MOSMO: variants seen among roughly 807,000 people sequenced by gnomAD.
The protein encoded by MOSMO is modulator of smoothened.
A neutral mutation model predicts 18.4 loss-of-function variants in MOSMO; 5 were observed. The observed-to-expected ratio is 0.27, with a 90% CI of 0.14 to 0.57. The LOEUF (loss-of-function observed/expected upper bound fraction) is 0.57. Ranked by LOEUF, MOSMO falls within the 20% of genes least tolerant of loss-of-function variation. MOSMO has a pLI of 0.92. For synonymous variants in MOSMO, 82 were observed against 82.3 expected, an observed-to-expected ratio of 1.00 and a Z score of 0.02; for missense variants, 138 against 211.8, an observed-to-expected ratio of 0.65 and a Z score of 2.16.
rs550013280 is a variant in MOSMO at position 22,028,048 on chromosome 16, G to A, written c.106+19641G>A. ...TTATTGGTGTCAGTTCTCTTCCTAG[G>A]TTGTACCATCCATTTTGAAAAGATG... On this transcript the variant is annotated intron_variant, in intron 1 of 2. Transcript: ENST00000542527. Among the ~76,000 whole-genome samples, 13 of 152,166 alleles carry A rather than the reference G, an allele frequency of 8.5e-5. No individual in the cohort carries two copies. The East Asian group carries it at 2.5e-3, about 29-fold the overall frequency.
In MOSMO at chr16:22,055,845, C is replaced by G. The variant is rs1412154522; in HGVS notation, c.107-19642C>G. On this transcript the variant is annotated intron_variant, in intron 1 of 2. Coordinates refer to ENST00000542527, the MANE Select transcript of MOSMO (RefSeq NM_001164579.2). ...GTGTTGCTCACATAGCAAGCTGATA[C>G]TTGTAGTCATATCAACCTTTAGCCA... Among the ~76,000 whole-genome samples, 3 of 152,288 alleles carry G rather than the reference C, an allele frequency of 2.0e-5. No individual in the cohort carries two copies. The East Asian group carries it at 5.8e-4, about 29-fold the overall frequency.
rs1281786861 is a variant in MOSMO at position 22,082,667 on chromosome 16, ACTATGAAATGG to A, written c.*1788_*1798del. 1 of 152,186 alleles carries A rather than the reference ACTATGAAATGG, an allele frequency of 6.6e-6. No homozygotes were observed. Among genetic ancestry groups the A allele is most frequent in the Non-Finnish European group, 1.5e-5 (1 of 68,032 alleles). 9.4% of individuals were successfully genotyped at this position (152,186 alleles called of 1,614,324 possible). ...GGGAGCTACCTCCTCAGATATTCAC[ACTATGAAATGG>A]AGGTGCTTGATGTGTTTCACACTGG... On this transcript the variant is annotated 3_prime_UTR_variant, in exon 3 of 3. Coordinates refer to ENST00000542527, the MANE Select transcript of MOSMO (RefSeq NM_001164579.2).
Position 22,023,908 on chromosome 16 carries a change from T to G in MOSMO, c.106+15501T>G, listed in dbSNP as rs1899816395. 5.9e-5 allele frequency among the ~76,000 whole-genome samples: 9 copies of G among 151,718 alleles called. 1 individual carries two copies. Among genetic ancestry groups the G allele is most frequent in the Admixed American group, 5.2e-4 (8 of 15,248 alleles). On this transcript the variant is annotated intron_variant, in intron 1 of 2. Transcript: ENST00000542527. The stretch of plus-strand genomic sequence containing the variant: ...TCCTTTTCTGTGAACCTGTTTTCTC[T>G]TGTATAGATTCAAGAAATTCTTCAG...
At chr16:22,058,726 C>T (rs977192662) in intron 1 of MOSMO, among the ~76,000 whole-genome samples, 17 of 152,060 alleles carry the variant, frequency 1.1e-4, no homozygotes, top group Non-Finnish European at 4.4e-5. Flanking sequence ...AGGATAAGTT[C>T]GTTTTCGTAT....
chr16:22,023,072 ACT>A (rs1167209239), intron 1 of MOSMO, among the ~76,000 whole-genome samples: 1 of 152,004 alleles, frequency 6.6e-6, no homozygotes, highest in African/African-American at 2.4e-5. Context: ...AAAATGTGAG[ACT>A]CTGTTTTTTT....
chr16:22,032,800 G>A (rs899077402), intron 1 of MOSMO, among the ~76,000 whole-genome samples: 5 of 152,118 alleles, frequency 3.3e-5, no homozygotes, highest in South Asian at 2.1e-4. Flanking sequence ...CTCTTACCTC[G>A]ACCTCCCAAA....
intron 1 of MOSMO, among the ~76,000 whole-genome samples, chr16:22,057,905 G>C (rs758924863): frequency 6.6e-6 from 1 of 152,158 alleles, no homozygotes; most frequent in Non-Finnish European, 1.5e-5. Context: ...AAAAGGCCCT[G>C]AAGTGGAAAA....
Position 22,047,614 on chromosome 16 carries a change from G to A in MOSMO, c.107-27873G>A, listed in dbSNP as rs533408518. Among the ~76,000 whole-genome samples the A allele has an allele frequency of 3.3e-5, 5 of 152,140 alleles. No individual in the cohort carries two copies. The East Asian group carries it at 5.8e-4, about 18-fold the overall frequency. Reference sequence around the variant, plus strand: ...ATAGTGCTATTATAAGTAATAGTGCGGTGAACATCTTTGTACCTGTTTCTT... The same window carrying A: ...ATAGTGCTATTATAAGTAATAGTGCAGTGAACATCTTTGTACCTGTTTCTT... On this transcript the variant is annotated intron_variant, in intron 1 of 2. Transcript: ENST00000542527.
At chr16:22,042,221 A>G (rs1177403806) in intron 1 of MOSMO, among the ~76,000 whole-genome samples, 1 of 152,218 alleles carries the variant, frequency 6.6e-6, no homozygotes, top group African/African-American at 2.4e-5. Context: ...GCAACAGTCA[A>G]CAAAGGATGA....
chr16:22,045,814 T>G (rs901467058), intron 1 of MOSMO, among the ~76,000 whole-genome samples: 1 of 152,176 alleles, frequency 6.6e-6, no homozygotes, highest in African/African-American at 2.4e-5. Context: ...TTAATTCTCT[T>G]TGGGGGCCTT....
intron 1 of MOSMO, among the ~76,000 whole-genome samples, chr16:22,026,005 A>G (rs1899868242): frequency 6.6e-6 from 1 of 152,200 alleles, no homozygotes; most frequent in African/African-American, 2.4e-5. Flanking sequence ...AATCAGGCCT[A>G]GTTTTTTGAA....
chr16:22,019,709 A>C (rs1567499822), intron 1 of MOSMO, among the ~76,000 whole-genome samples: 1 of 152,144 alleles, frequency 6.6e-6, no homozygotes, highest in African/African-American at 2.4e-5. Context: ...GAATTTAGAG[A>C]GTGAGGTGAT....
chr16:22,041,321 G>T (rs1473973559), intron 1 of MOSMO, among the ~76,000 whole-genome samples: 3 of 152,178 alleles, frequency 2.0e-5, no homozygotes, highest in Non-Finnish European at 4.4e-5. Flanking sequence ...TTTAGAGAGA[G>T]AGCAGAAAGA....
chr16:22,008,251 G>C lies in MOSMO; in HGVS notation c.-51G>C. The C allele has an allele frequency of 1.6e-6, 2 of 1,276,190 alleles. No individual in the cohort carries two copies. Among genetic ancestry groups the C allele is most frequent in the Non-Finnish European group, 2.1e-6 (2 of 943,696 alleles). 79.1% of individuals were successfully genotyped at this position (1,276,190 alleles called of 1,614,324 possible). A position where few individuals can be genotyped will look rare whatever the true frequency, so the allele number is the denominator to read the frequency against. On this transcript the variant is annotated 5_prime_UTR_variant, in exon 1 of 3. It removes the in-frame stop codon of an upstream open reading frame in the 5' UTR. Transcript: ENST00000542527. Reference sequence around the variant, plus strand: ...CGGCGGCCCATGGGGCGGGAGGCGTGAGGCCGCTGCCTGTCCGGGGCTCGG... The same window carrying C: ...CGGCGGCCCATGGGGCGGGAGGCGTCAGGCCGCTGCCTGTCCGGGGCTCGG...
At chr16:22,009,667 T>G (rs974755785) in intron 1 of MOSMO, among the ~76,000 whole-genome samples, 2 of 151,586 alleles carry the variant, frequency 1.3e-5, no homozygotes, top group African/African-American at 2.4e-5. Context: ...GGATAATTTC[T>G]TATAAAAATG....
chr16:22,081,041 G>T lies in MOSMO; in HGVS notation c.*161G>T, dbSNP rs1321515936. 13 of 308,140 alleles carry T rather than the reference G, an allele frequency of 4.2e-5. No individual in the cohort carries two copies. Among genetic ancestry groups the T allele is most frequent in the South Asian group, 1.4e-4 (1 of 7,266 alleles). 19.1% of individuals were successfully genotyped at this position (308,140 alleles called of 1,614,324 possible). A position where few individuals can be genotyped will look rare whatever the true frequency, so the allele number is the denominator to read the frequency against. On this transcript the variant is annotated 3_prime_UTR_variant, in exon 3 of 3. Coordinates refer to ENST00000542527, the MANE Select transcript of MOSMO (RefSeq NM_001164579.2). ...GAAGGAAAAAAAAATGCTTTGGTTTGTTCTCACTATGCACTTTGGATTTAA... is the reference window on the plus strand; with the variant it reads ...GAAGGAAAAAAAAATGCTTTGGTTTTTTCTCACTATGCACTTTGGATTTAA...
chr16:22,054,319 C>T (rs1013872250), intron 1 of MOSMO, among the ~76,000 whole-genome samples: 1 of 152,152 alleles, frequency 6.6e-6, no homozygotes, highest in Non-Finnish European at 1.5e-5. Context: ...TAGTCTCGAA[C>T]ACCTGGGCTC....
chr16:22,058,619 C>A (rs528072343), intron 1 of MOSMO, among the ~76,000 whole-genome samples: 1 of 152,038 alleles, frequency 6.6e-6, no homozygotes, highest in East Asian at 1.9e-4. Flanking sequence ...GAGTGGGAAC[C>A]TATGGGGGAA....
chr16:22,050,709 C>T (rs928768164), intron 1 of MOSMO, among the ~76,000 whole-genome samples: 1 of 151,810 alleles, frequency 6.6e-6, no homozygotes, highest in African/African-American at 2.4e-5. Context: ...AGGGGGACCC[C>T]ATCTCCTTAA....
Sources: gnomAD v4.1 joint callset for allele counts (sites outside exome capture counted in the v4.1 genomes callset) on GRCh38, gnomAD v4.1.1 for gene constraint, MANE v1.5 for transcripts, NCBI Gene and HGNC (gene_info 2026-07-23, HGNC 2026-07-21) for gene names.